The following SNCAIP variants were observed in gnomAD, a reference collection of about 807,000 sequenced individuals.
SNCAIP encodes synuclein alpha interacting protein.
Under a neutral mutation model 86.7 loss-of-function variants are expected in SNCAIP, and 43 were observed. That is an observed-to-expected ratio of 0.50 (90% CI 0.39 to 0.64). The LOEUF (loss-of-function observed/expected upper bound fraction) is 0.64. Among genes scored for constraint, SNCAIP ranks in the 30% least tolerant of loss-of-function variants. The probability of loss-of-function intolerance (pLI) is 0.00; values close to 1 mark genes in which losing one functional copy is unlikely to be tolerated. For missense variants in SNCAIP, 981 were observed against 1,103.1 expected (o/e 0.89, Z 1.57); for synonymous variants, 417 against 427.2 (o/e 0.98, Z 0.29).
At chr5:122,456,009 T>C (rs1056557716) in intron 10 of SNCAIP, among the ~76,000 whole-genome samples, 1 of 152,198 alleles carries the variant, frequency 6.6e-6, no homozygotes, top group African/African-American at 2.4e-5. Flanking sequence ...CAGTGAAACA[T>C]TCATTTCCCA....
At chr5:122,322,145 T>C (rs1219970112) in intron 1 of SNCAIP, among the ~76,000 whole-genome samples, 1 of 152,182 alleles carries the variant, frequency 6.6e-6, no homozygotes, top group South Asian at 2.1e-4. Context: ...TTTCCAGTGG[T>C]TTTAGAGTCA....
rs1217912550 is a variant in SNCAIP, at chr5:122,334,114, A to G, written c.-47+21830A>G. Among the ~76,000 whole-genome samples the G allele has an allele frequency of 6.6e-5, 10 of 152,158 alleles. No homozygotes were observed. The East Asian group carries it at 1.9e-3, about 29-fold the overall frequency. On this transcript the variant is annotated intron_variant, in intron 1 of 10. Coordinates refer to ENST00000261368, the MANE Select transcript of SNCAIP (RefSeq NM_005460.4). ...CTCCAAAGAGGTTATAAGAAGAGGA[A>G]CTCAAAGAAATGAAAATGGAATGGC...
At position 122,423,045 on chromosome 5, in the gene SNCAIP, T is replaced by G; in HGVS notation, c.308T>G (p.Val103Gly). Residue 103 changes from valine to glycine, a missense_variant, in exon 4 of 11, where the codon GTT becomes GGT. By Grantham distance (109) the Val-to-Gly change is moderately radical (BLOSUM62 -3). Coordinates refer to ENST00000261368, the MANE Select transcript of SNCAIP (RefSeq NM_005460.4). The part of the protein sequence containing the change: ...ESDDQKNQKV[V>G]EYQKGGESDL... ...GATGACCAAAAGAACCAGAAAGTGG[T>G]TGAGTACCAGAAAGGGGGTGAGTCT... 1 of 1,613,964 alleles carries G rather than the reference T, an allele frequency of 6.2e-7. No homozygotes were observed. Among genetic ancestry groups the G allele is most frequent in the Non-Finnish European group, 8.5e-7 (1 of 1,179,972 alleles).
At chr5:122,355,886 A>G (rs375027869) in intron 1 of SNCAIP, among the ~76,000 whole-genome samples, 1 of 152,066 alleles carries the variant, frequency 6.6e-6, no homozygotes, top group Admixed American at 6.6e-5. Flanking sequence ...TACGTTGTCA[A>G]CTCCGAGGTT....
chr5:122,323,059 G>A lies in SNCAIP; in HGVS notation c.-47+10775G>A, dbSNP rs545880346. ...ACTGGATTTGTCGAAGTGGTGAAAG[G>A]TTTAAAAGAATTTTCATAAATGAGG... is the stretch of plus-strand genomic sequence containing the variant. On this transcript the variant is annotated intron_variant, in intron 1 of 10. Transcript: ENST00000261368. Among the ~76,000 whole-genome samples, 221 of 152,236 alleles carry A rather than the reference G, an allele frequency of 1.5e-3. 1 individual carries two copies. The highest frequency in any genetic ancestry group is 3.4e-3 in the Middle Eastern group (1 of 294).
At position 122,432,019 on chromosome 5, in the gene SNCAIP, T is replaced by C; in HGVS notation, c.1233T>C (p.Ile411=). The change falls in exon 6 of 11, where the codon ATT becomes ATC. Residue 411 remains isoleucine, a synonymous_variant. Transcript: ENST00000261368. The part of the protein sequence containing the change: ...VRWMVSETEA[I]AELSCSKDFP... ...GGATGGTGAGCGAAACAGAAGCCAT[T>C]GCAGAACTGAGTTGTTCTAAGGATT... is the stretch of plus-strand genomic sequence containing the variant. The C allele has an allele frequency of 6.2e-7, 1 of 1,608,980 alleles. No individual in the cohort carries two copies.
chr5:122,367,102 A>G (rs1305315276), intron 1 of SNCAIP, among the ~76,000 whole-genome samples: 3 of 152,070 alleles, frequency 2.0e-5, no homozygotes, highest in Non-Finnish European at 4.4e-5. Flanking sequence ...GGTATTGTCA[A>G]GTAAGGTTAA....
At chr5:122,344,218 C>CACATATACCACAGA (rs1232831210) in intron 1 of SNCAIP, among the ~76,000 whole-genome samples, 2 of 152,156 alleles carry the variant, frequency 1.3e-5, no homozygotes, top group African/African-American at 2.4e-5. Context: ...AGATCAATGC[C>CACATATACCACAGA]TGCCACATAA....
At chr5:122,331,440 T>A (rs1755323959) in intron 1 of SNCAIP, among the ~76,000 whole-genome samples, 2 of 152,228 alleles carry the variant, frequency 1.3e-5, no homozygotes, top group South Asian at 4.1e-4. Flanking sequence ...ATTTTCAATG[T>A]ACAAATATTG....
intron 8 of SNCAIP, among the ~76,000 whole-genome samples, chr5:122,447,524 C>A (rs563825595): frequency 1.3e-5 from 2 of 152,206 alleles, no homozygotes; most frequent in African/African-American, 2.4e-5. Flanking sequence ...TGTCATAATT[C>A]ACTTAAAGAC....
At chr5:122,394,260 T>C (rs1755357261) in intron 2 of SNCAIP, among the ~76,000 whole-genome samples, 1 of 152,144 alleles carries the variant, frequency 6.6e-6, no homozygotes, top group South Asian at 2.1e-4. Flanking sequence ...CCCTATTACA[T>C]AGTCTAGGCT....
intron 2 of SNCAIP, among the ~76,000 whole-genome samples, chr5:122,403,350 T>C (rs1178306138): frequency 1.3e-5 from 2 of 152,204 alleles, no homozygotes; most frequent in African/African-American, 4.8e-5. Flanking sequence ...GGCACAGACA[T>C]GTCTCCTGAC....
intron 2 of SNCAIP, among the ~76,000 whole-genome samples, chr5:122,393,858 T>G (rs1401950166): frequency 6.6e-6 from 1 of 152,178 alleles, no homozygotes; most frequent in Non-Finnish European, 1.5e-5. Context: ...GCCAGAATCA[T>G]ATTGTTCTAA....
chr5:122,431,853 G>A (rs1778474102), intron 5 of SNCAIP, 116 bp from the exon 6 acceptor site: 1 of 710,720 alleles, frequency 1.4e-6, no homozygotes, highest in Non-Finnish European at 2.6e-6. Context: ...AATTAAGCCT[G>A]ATATAAATGC....
Position 122,403,779 on chromosome 5 carries a change from G to A in SNCAIP, c.58-14G>A. The A allele has an allele frequency of 6.2e-7, 1 of 1,608,842 alleles. No individual in the cohort carries two copies. Among genetic ancestry groups the A allele is most frequent in the Non-Finnish European group, 8.5e-7 (1 of 1,175,322 alleles). On this transcript the variant is annotated splice_polypyrimidine_tract_variant and intron_variant, in intron 2 of 10. Coordinates refer to ENST00000261368, the MANE Select transcript of SNCAIP (RefSeq NM_005460.4). ...AATTATTTTATGCCCTCTCTTCTCT[G>A]GCTTCCCGTTCAGTATTCAGTCACA...
At chr5:122,422,613 T>A (rs1411266089) in intron 3 of SNCAIP, among the ~76,000 whole-genome samples, 1 of 152,194 alleles carries the variant, frequency 6.6e-6, no homozygotes, top group African/African-American at 2.4e-5. Flanking sequence ...TGGGTTTGCT[T>A]CCTTAGCCAT....
chr5:122,323,337 A>C (rs1194307601), intron 1 of SNCAIP: 5 of 152,210 alleles, frequency 3.3e-5, no homozygotes, highest in Non-Finnish European at 7.3e-5. Context: ...CGTGGTTACA[A>C]ATCTTGGGCA....
intron 10 of SNCAIP, among the ~76,000 whole-genome samples, chr5:122,454,035 AG>A (rs1311767793): frequency 6.6e-6 from 1 of 152,218 alleles, no homozygotes; most frequent in African/African-American, 2.4e-5. Flanking sequence ...CTGGGTTTAC[AG>A]GCGTGAGCCA....
At chr5:122,425,916 A>C (rs979535381) in intron 5 of SNCAIP, among the ~76,000 whole-genome samples, 2 of 152,224 alleles carry the variant, frequency 1.3e-5, no homozygotes, top group African/African-American at 4.8e-5. Flanking sequence ...AGCACTCGGG[A>C]GTATTTCAGA....
Sources: allele counts gnomAD v4.1 joint callset (sites outside exome capture counted in the v4.1 genomes callset), GRCh38; gene constraint gnomAD v4.1.1; transcripts MANE v1.5; gene names NCBI Gene and HGNC (gene_info 2026-07-23, HGNC 2026-07-21).